FLT4: variants seen among roughly 807,000 people sequenced by gnomAD.
The protein encoded by FLT4 is vascular endothelial growth factor receptor 3.
Under a neutral mutation model 163.2 loss-of-function variants are expected in FLT4, and 30 were observed. The observed-to-expected ratio is 0.18, with a 90% CI of 0.14 to 0.25. The LOEUF (loss-of-function observed/expected upper bound fraction) is 0.25. FLT4 is among the 10% of genes least tolerant of loss of function. The pLI, the probability that FLT4 is intolerant of heterozygous loss-of-function variation, is 1.00. For synonymous variants in FLT4, 884 were observed against 789.5 expected (o/e 1.12, Z -2.01); for missense variants, 1,510 against 1,863.8 (o/e 0.81, Z 3.50).
intron 1 of FLT4, among the ~76,000 whole-genome samples, chr5:180,646,041 C>T (rs1295765988): frequency 3.3e-5 from 5 of 152,088 alleles, no homozygotes; most frequent in Non-Finnish European, 1.5e-5. Context: ...GAAGCACCTC[C>T]CCTTGCAGCT....
At position 180,629,347 on chromosome 5, in the gene FLT4, G is replaced by T. The variant is rs138606846; in HGVS notation, c.897C>A (p.Asn299Lys). 1.1e-5 allele frequency: 18 copies of T among 1,613,026 alleles called. No homozygotes were observed. Among genetic ancestry groups the T allele is most frequent in the Non-Finnish European group, 1.5e-5 (18 of 1,180,008 alleles). The change falls in exon 7 of 30, where the codon AAC (asparagine) becomes AAA (lysine). Residue 299 changes from asparagine to lysine, a missense_variant. Around this residue, in one of 5 missense-constraint regions of FLT4, gnomAD observed 163 missense variants for 281.1 expected, o/e 0.58. Transcript: ENST00000261937. Reference sequence around the variant, plus strand: ...ACGAGCCCAGGTCGTGCTGGCTGACGTTGTGGATGGTCAGGATGCTGGAGA... The same window carrying T: ...ACGAGCCCAGGTCGTGCTGGCTGACTTTGTGGATGGTCAGGATGCTGGAGA... ...TELSSILTIH[N>K]VSQHDLGSYV...
At chr5:180,613,520 T>C (rs1303146557) in intron 24 of FLT4, 8 of 170,758 alleles carry the variant, frequency 4.7e-5, no homozygotes, top group African/African-American at 9.9e-5. Context: ...CTGCTGCTCC[T>C]CCCAACCCCT....
intron 29 of FLT4, 40 bp from the exon 30 acceptor site, chr5:180,603,430 G>C: frequency 6.3e-7 from 1 of 1,591,068 alleles, no homozygotes; most frequent in South Asian, 1.1e-5. Flanking sequence ...AGAGAAGAAG[G>C]CTGGGTGGCG....
chr5:180,613,934 A>G (rs1355038742), intron 24 of FLT4, 134 bp downstream of exon 24: 8 of 739,072 alleles, frequency 1.1e-5, no homozygotes, highest in Non-Finnish European at 1.9e-5. Flanking sequence ...TTGGTGGCCC[A>G]CAAACCACCT....
chr5:180,608,798 G>A (rs1186755782), intron 29 of FLT4, among the ~76,000 whole-genome samples, 170 bp downstream of exon 29: 3 of 152,174 alleles, frequency 2.0e-5, no homozygotes. Context: ...CTCCCGCGGT[G>A]CTGTAGGTCA....
intron 1 of FLT4, among the ~76,000 whole-genome samples, chr5:180,642,161 C>G (rs1434064590): frequency 6.6e-6 from 1 of 150,588 alleles, no homozygotes; most frequent in Non-Finnish European, 1.5e-5. Flanking sequence ...GGGCCGAGAT[C>G]GCGCCACTGC....
chr5:180,643,326 G>A (rs548251790), intron 1 of FLT4, among the ~76,000 whole-genome samples: 21 of 152,346 alleles, frequency 1.4e-4, no homozygotes, highest in South Asian at 6.2e-4. Context: ...TGTGGGTGGG[G>A]TGGCTGAGAG....
At chr5:180,613,303 G>A in intron 24 of FLT4, 193 bp from the exon 25 acceptor site, 1 of 543,016 alleles carries the variant, frequency 1.8e-6, no homozygotes, top group East Asian at 3.0e-5. Context: ...GCCCTCCCCA[G>A]CTCTAGTTCA....
intron 26 of FLT4, chr5:180,611,698 G>C (rs565322536): frequency 2.1e-4 from 125 of 607,136 alleles, no homozygotes; most frequent in African/African-American, 2.0e-3. Flanking sequence ...GGCCCTAACA[G>C]ACCATGCGGG....
intron 29 of FLT4, chr5:180,608,428 C>A: frequency 1.5e-6 from 1 of 684,402 alleles, no homozygotes; most frequent in South Asian, 1.5e-5. Flanking sequence ...CACTACCGGT[C>A]TCCACGTCTT....
intron 17 of FLT4, among the ~76,000 whole-genome samples, 180 bp from the exon 18 acceptor site, chr5:180,619,949 G>A (rs1762996161): frequency 6.6e-6 from 1 of 152,188 alleles, no homozygotes. Context: ...CTCCCGGGTA[G>A]GTGTGACAGA....
Position 180,630,120 on chromosome 5 carries a change from C to T in FLT4, c.514-15G>A, listed in dbSNP as rs145268449. On this transcript the variant is annotated splice_polypyrimidine_tract_variant and intron_variant, in intron 4 of 29. Transcript: ENST00000261937. The surrounding 1 kb of genome is among the most constrained non-coding windows in gnomAD (Gnocchi z 6.3). Reference sequence around the variant, plus strand: ...ACCGAGCTTTGCTGGAGGGACAAGGCCACCATCATTGCCCAGCTGCCCCTT... The same window carrying T: ...ACCGAGCTTTGCTGGAGGGACAAGGTCACCATCATTGCCCAGCTGCCCCTT... 1.9e-5 allele frequency: 30 copies of T among 1,612,744 alleles called. No individual in the cohort carries two copies. The East Asian group carries it at 6.5e-4, about 35-fold the overall frequency.
At chr5:180,609,797 A>G in intron 28 of FLT4, 108 bp downstream of exon 28, 1 of 1,371,184 alleles carries the variant, frequency 7.3e-7, no homozygotes, top group South Asian at 1.2e-5. Context: ...CTTTCAAAGG[A>G]CAGTCGTTGG....
At chr5:180,629,555 T>C (rs1581675455) in intron 6 of FLT4, 128 bp from the exon 7 acceptor site, 2 of 1,462,376 alleles carry the variant, frequency 1.4e-6, no homozygotes, top group East Asian at 2.4e-5. Flanking sequence ...GAGTTTTCTT[T>C]GGGTGGAACA....
intron 29 of FLT4, among the ~76,000 whole-genome samples, chr5:180,604,575 C>T (rs925011093): frequency 2.0e-5 from 3 of 152,202 alleles, no homozygotes; most frequent in South Asian, 2.1e-4. Context: ...CGTCACTCCA[C>T]GAAGCAAATC....
intron 2 of FLT4, 112 bp downstream of exon 2, chr5:180,631,570 T>C: frequency 1.1e-6 from 1 of 878,356 alleles, no homozygotes; most frequent in Non-Finnish European, 1.9e-6. Context: ...CCGAGGCCAC[T>C]CTGCCCTGAC....
rs1303255102 is a variant in FLT4, at chr5:180,608,960, G to A, written c.3893+8C>T. On this transcript the variant is annotated splice_region_variant and intron_variant, in intron 29 of 29. Coordinates refer to ENST00000261937, the MANE Select transcript of FLT4 (RefSeq NM_182925.5). ...ACCTGCAGTGCAGGAGGCTCACGAAGCCCTTACCTGAAGCCGCTTTCTTGT... is the reference window on the plus strand; with the variant it reads ...ACCTGCAGTGCAGGAGGCTCACGAAACCCTTACCTGAAGCCGCTTTCTTGT... 1 of 1,612,100 alleles carries A rather than the reference G, an allele frequency of 6.2e-7. No homozygotes were observed. The highest frequency in any genetic ancestry group is 8.5e-7 in the Non-Finnish European group (1 of 1,178,126).
chr5:180,602,487 A>G lies in FLT4; in HGVS notation c.*705T>C. Reference sequence around the variant, plus strand: ...AAGCAAATTCTTCTCAGCAGCTCTAACAGTCTGTGAAGTTCTGTTGAAAAA... The same window carrying G: ...AAGCAAATTCTTCTCAGCAGCTCTAGCAGTCTGTGAAGTTCTGTTGAAAAA... On this transcript the variant is annotated 3_prime_UTR_variant, in exon 30 of 30. Transcript: ENST00000261937. The G allele has an allele frequency of 2.5e-6, 1 of 398,434 alleles. No individual in the cohort carries two copies. Among genetic ancestry groups the G allele is most frequent in the Admixed American group, 4.4e-5 (1 of 22,786 alleles). The allele number at this position is 398,434 out of a possible 1,614,324, so 24.7% of individuals were successfully genotyped here.
rs1761597594 is a variant in FLT4 at position 180,603,129 on chromosome 5, C to T, written c.*63G>A. ...CAGATGAGTTCCCAGCCTGGGCCTC[C>T]AGCCCTCTGCCCGCCCTGCCGGGCC... is the stretch of plus-strand genomic sequence containing the variant. On this transcript the variant is annotated 3_prime_UTR_variant, in exon 30 of 30. Transcript: ENST00000261937. The T allele has an allele frequency of 1.3e-6, 2 of 1,541,064 alleles. No homozygotes were observed. Among genetic ancestry groups the T allele is most frequent in the East Asian group, 2.3e-5 (1 of 44,312 alleles).
Sources: gnomAD v4.1 joint callset for allele counts (sites outside exome capture counted in the v4.1 genomes callset) on GRCh38, gnomAD v4.1.1 for gene constraint, gnomAD v4.1.1 regional missense constraint, Gnocchi (gnomAD v3.1) non-coding constraint, MANE v1.5 for transcripts, NCBI Gene and HGNC (gene_info 2026-07-23, HGNC 2026-07-21) for gene names.